MASP2: variants seen among roughly 807,000 people sequenced by gnomAD.
MASP2 encodes the protein mannan-binding lectin serine protease 2.
Under a neutral mutation model 57.1 loss-of-function variants are expected in MASP2, and 49 were observed. That is an observed-to-expected ratio of 0.86 (90% confidence interval 0.68 to 1.09). The LOEUF (loss-of-function observed/expected upper bound fraction) is 1.09, where lower values mean the gene tolerates loss of function less well. Among genes scored for constraint, MASP2 ranks in the 50% least tolerant of loss-of-function variants. The probability of loss-of-function intolerance (pLI) is 0.00; values close to 1 mark genes in which losing one functional copy is unlikely to be tolerated. For missense variants in MASP2, 900 were observed against 874.8 expected (o/e 1.03, Z -0.36); for synonymous variants, 379 against 340.8 (o/e 1.11, Z -1.24).
intron 6 of MASP2, among the ~76,000 whole-genome samples, chr1:11,040,083 G>A (rs978441831): frequency 2.0e-5 from 3 of 151,612 alleles, no homozygotes; most frequent in African/African-American, 7.3e-5. Flanking sequence ...GTAGGTAGAA[G>A]GATGGGTGGA....
At chr1:11,045,144 G>T in intron 4 of MASP2, 1 of 746,564 alleles carries the variant, frequency 1.3e-6, no homozygotes, top group South Asian at 1.6e-5. Context: ...GTGGCTACAT[G>T]AGGGGTTCCC....
rs2273343 is a variant in MASP2, at chr1:11,045,488, T to C, written c.464A>G (p.His155Arg). 1.1e-3 allele frequency: 1,743 copies of C among 1,612,010 alleles called. 23 individuals carry two copies. The East Asian group carries it at 0.029, about 27-fold the overall frequency. The change falls in exon 4 of 11, where the codon CAC (histidine) becomes CGC (arginine). Residue 155 changes from histidine (H) to arginine (R), a missense_variant. By Grantham distance (29) the His-to-Arg change is conservative (BLOSUM62 0). Coordinates refer to ENST00000400897, the MANE Select transcript of MASP2 (RefSeq NM_006610.4). ...GAAACCGCCCAGGTGGTTGTGGCAG[T>C]GGTGGTCGCAGGTGGGCGCCTCTCC... ...APGEAPTCDH[H>R]CHNHLGGFYC... is the part of the protein sequence containing the mutation.
In MASP2 at chr1:11,030,175, C is replaced by T. The variant is rs748327434; in HGVS notation, c.1297+1G>A. 14 of 1,608,652 alleles carry T rather than the reference C, an allele frequency of 8.7e-6. No homozygotes were observed. The highest frequency in any genetic ancestry group is 3.4e-6 in the Non-Finnish European group (4 of 1,175,696). ...GTCTCTTGTATAAATGTATCCATTACCAGGCTCACAGACTGGGAGTGATTT... is the reference window on the plus strand; with the variant it reads ...GTCTCTTGTATAAATGTATCCATTATCAGGCTCACAGACTGGGAGTGATTT... On this transcript the variant is annotated splice_donor_variant, in intron 10 of 10. Transcript: ENST00000400897. LOFTEE classifies it high-confidence loss of function.
chr1:11,039,729 T>G (rs1638360295), intron 6 of MASP2, among the ~76,000 whole-genome samples: 1 of 148,370 alleles, frequency 6.7e-6, no homozygotes, highest in African/African-American at 2.5e-5. Flanking sequence ...GATGGATAGC[T>G]GGAAGGATGG....
Position 11,030,768 on chromosome 1 carries a change from TAGA to T in MASP2, c.1199_1201del (p.Phe400del). 6.2e-7 allele frequency: 1 copy of T among 1,611,294 alleles called. No individual in the cohort carries two copies. The highest frequency in any genetic ancestry group is 2.2e-5 in the East Asian group (1 of 44,762). ...CATACCATCATTCACTTTCATTGTG[TAGA>T]AGGTCTCTTCACAGCTGTACTGAAT... On this transcript the variant is annotated inframe_deletion, in exon 9 of 11. Coordinates refer to ENST00000400897, the MANE Select transcript of MASP2 (RefSeq NM_006610.4).
At chr1:11,031,594 G>A (rs1432437716) in intron 8 of MASP2, among the ~76,000 whole-genome samples, 1 of 149,942 alleles carries the variant, frequency 6.7e-6, no homozygotes, top group Non-Finnish European at 1.5e-5. Context: ...AATGTAAAAG[G>A]TTGCAATTTA....
At chr1:11,030,545 G>T in intron 9 of MASP2, 1 of 590,046 alleles carries the variant, frequency 1.7e-6, no homozygotes, top group Non-Finnish European at 2.9e-6. Flanking sequence ...GTTTGTAGTA[G>T]TCATTTACTA....
intron 4 of MASP2, among the ~76,000 whole-genome samples, chr1:11,043,875 A>G (rs1365499070): frequency 1.4e-5 from 2 of 145,208 alleles, no homozygotes; most frequent in Non-Finnish European, 3.0e-5. Flanking sequence ...ACCCCAGGGT[A>G]GGGGCTAGAG....
intron 7 of MASP2, 113 bp downstream of exon 7, chr1:11,037,580 A>G: frequency 3.0e-6 from 2 of 660,600 alleles, no homozygotes; most frequent in Non-Finnish European, 5.0e-6. Flanking sequence ...TAGACAAAAG[A>G]AATCATGCTG....
At chr1:11,036,270 C>T (rs899052715) in intron 7 of MASP2, among the ~76,000 whole-genome samples, 2 of 151,106 alleles carry the variant, frequency 1.3e-5, no homozygotes, top group Non-Finnish European at 3.0e-5. Flanking sequence ...TTTGGGAGGC[C>T]GAGGCGGGTG....
At chr1:11,027,778 T>C (rs1782454) in intron 10 of MASP2, 130 bp from the exon 11 acceptor site, 738,576 of 885,896 alleles carry the variant, frequency 0.83, 308,542 homozygotes, top group East Asian at 0.87. Context: ...GGTGGGTGAC[T>C]ACCTATACAG....
intron 6 of MASP2, among the ~76,000 whole-genome samples, chr1:11,038,466 C>G (rs1638318391): frequency 6.6e-6 from 1 of 152,178 alleles, no homozygotes; most frequent in African/African-American, 2.4e-5. Context: ...CAGGCTTCCC[C>G]TCATGAGCTG....
Position 11,047,134 on chromosome 1 carries a change from G to T in MASP2, c.6-15C>A. On this transcript the variant is annotated splice_polypyrimidine_tract_variant and intron_variant, in intron 1 of 10. Coordinates refer to ENST00000400897, the MANE Select transcript of MASP2 (RefSeq NM_006610.4). Reference sequence around the variant, plus strand: ...GGGTCAGCAGCCTATGGGCAGGGCAGGGGCGGTGAGGGCCCAGGCCTGTGC... The same window carrying T: ...GGGTCAGCAGCCTATGGGCAGGGCATGGGCGGTGAGGGCCCAGGCCTGTGC... The T allele has an allele frequency of 6.5e-7, 1 of 1,548,628 alleles. No individual in the cohort carries two copies.
At position 11,046,942 on chromosome 1, in the gene MASP2, G is replaced by A; in HGVS notation, c.183C>T (p.Phe61=). 13 of 1,571,694 alleles carry A rather than the reference G, an allele frequency of 8.3e-6. No homozygotes were observed. The highest frequency in any genetic ancestry group is 1.1e-5 in the Non-Finnish European group (13 of 1,158,198). Residue 61 remains phenylalanine, a synonymous_variant, in exon 2 of 11, where the codon TTC becomes TTT. Coordinates refer to ENST00000400897, the MANE Select transcript of MASP2 (RefSeq NM_006610.4). The part of the protein sequence containing the change: ...APPGYRLRLY[F]THFDLELSHL... Reference sequence around the variant, plus strand: ...GGGAGAGCTCCAGGTCGAAGTGGGTGAAGTAGAGGCGCAGGCGGTAGCCGG... The same window carrying A: ...GGGAGAGCTCCAGGTCGAAGTGGGTAAAGTAGAGGCGCAGGCGGTAGCCGG...
chr1:11,030,173 T>A lies in MASP2; in HGVS notation c.1297+3A>T. ...CAGTCTCTTGTATAAATGTATCCAT[T>A]ACCAGGCTCACAGACTGGGAGTGAT... is the stretch of plus-strand genomic sequence containing the variant. On this transcript the variant is annotated splice_donor_region_variant and intron_variant, in intron 10 of 10. Coordinates refer to ENST00000400897, the MANE Select transcript of MASP2 (RefSeq NM_006610.4). 1 of 1,608,092 alleles carries A rather than the reference T, an allele frequency of 6.2e-7. No homozygotes were observed. The highest frequency in any genetic ancestry group is 1.1e-5 in the South Asian group (1 of 90,814).
intron 8 of MASP2, among the ~76,000 whole-genome samples, chr1:11,034,030 G>A (rs984926045): frequency 6.6e-6 from 1 of 151,706 alleles, no homozygotes; most frequent in South Asian, 2.1e-4. Flanking sequence ...CTGAGGTCAG[G>A]AGTTCGAGAT....
intron 7 of MASP2, among the ~76,000 whole-genome samples, chr1:11,036,510 CAAAAAAAAAAAAAAA>C (rs35642467): frequency 1.3e-4 from 7 of 54,330 alleles, no homozygotes; most frequent in African/African-American, 4.3e-4. Context: ...GACTCCGTCT[CAAAAAAAAAAAAAAA>C]AAAAAAAAAA....
At chr1:11,046,443 C>T in intron 3 of MASP2, 113 bp downstream of exon 3, 2 of 1,259,916 alleles carry the variant, frequency 1.6e-6, no homozygotes, top group Non-Finnish European at 2.3e-6. Context: ...GAGGCCTCTC[C>T]CCTGCCCTGG....
chr1:11,028,187 C>G (rs1025946292), intron 10 of MASP2, among the ~76,000 whole-genome samples: 1 of 151,928 alleles, frequency 6.6e-6, no homozygotes, highest in Non-Finnish European at 1.5e-5. Flanking sequence ...CACCACTGCA[C>G]TCTAGCCTGG....
Sources: allele counts gnomAD v4.1 joint callset (sites outside exome capture counted in the v4.1 genomes callset), GRCh38; gene constraint gnomAD v4.1.1; transcripts MANE v1.5; gene names NCBI Gene and HGNC (gene_info 2026-07-23, HGNC 2026-07-21).